EMX1: variants seen among roughly 807,000 people sequenced by gnomAD.
EMX1 encodes empty spiracles homeobox 1.
EMX1 carries 10 observed loss-of-function variants against 20.1 expected under a neutral mutation model. The ratio of observed to expected loss-of-function variants is 0.50; its 90% CI spans 0.31 to 0.84. The LOEUF (loss-of-function observed/expected upper bound fraction) is 0.84, where lower values mean the gene tolerates loss of function less well. Ranked by LOEUF, EMX1 falls within the 40% of genes least tolerant of loss-of-function variation. The pLI, the probability that EMX1 is intolerant of heterozygous loss-of-function variation, is 0.05. For missense variants in EMX1, 424 were observed against 431.9 expected, an observed-to-expected ratio of 0.98 and a Z score of 0.16; for synonymous variants, 250 against 200.4, an observed-to-expected ratio of 1.25 and a Z score of -2.09.
intron 1 of EMX1, among the ~76,000 whole-genome samples, chr2:72,920,750 T>G (rs1573895611): frequency 6.6e-6 from 1 of 152,196 alleles, no homozygotes; most frequent in South Asian, 2.1e-4. Context: ...GAAAAGCGAA[T>G]GCGGAATCGT....
chr2:72,916,571 A>T, upstream of EMX1: 1 of 616,282 alleles, frequency 1.6e-6, no homozygotes, highest in Non-Finnish European at 2.9e-6. Flanking sequence ...CGCCGTACGG[A>T]AAAACTGGCC....
upstream of EMX1, chr2:72,916,358 G>C: frequency 2.7e-6 from 1 of 370,272 alleles, no homozygotes; most frequent in Non-Finnish European, 5.0e-6. Flanking sequence ...AATGGACCCC[G>C]GCAGCGGCGA....
intron 2 of EMX1, among the ~76,000 whole-genome samples, chr2:72,932,721 C>T (rs887243689): frequency 6.6e-6 from 1 of 152,216 alleles, no homozygotes; most frequent in African/African-American, 2.4e-5. Context: ...CCTCATGCCT[C>T]CTCCATCATG....
chr2:72,922,775 A>G (rs143481479), intron 1 of EMX1, among the ~76,000 whole-genome samples: 2 of 152,352 alleles, frequency 1.3e-5, no homozygotes, highest in African/African-American at 4.8e-5. Context: ...CATCTCAATT[A>G]TCTGCTTTTG....
chr2:72,932,212 G>A (rs886748063), intron 2 of EMX1, among the ~76,000 whole-genome samples: 23 of 152,214 alleles, frequency 1.5e-4, no homozygotes, highest in Non-Finnish European at 2.5e-4. Flanking sequence ...ACGCAGCACC[G>A]TCTGCACAGC....
chr2:72,917,069 G>C (rs1239069278), upstream of EMX1: 6 of 654,058 alleles, frequency 9.2e-6, no homozygotes, highest in Admixed American at 4.6e-5. Context: ...TGGTGGGTGA[G>C]TGGGAGAGTC....
At position 72,934,214 on chromosome 2, in the gene EMX1, T is replaced by C; in HGVS notation, c.*260T>C. The C allele has an allele frequency of 4.0e-6, 2 of 504,660 alleles. No individual in the cohort carries two copies. Among genetic ancestry groups the C allele is most frequent in the Non-Finnish European group, 7.0e-6 (2 of 285,144 alleles). The allele number at this position is 504,660 out of a possible 1,614,324, so 31.3% of individuals were successfully genotyped here. On this transcript the variant is annotated 3_prime_UTR_variant, in exon 3 of 3. Transcript: ENST00000258106. Reference sequence around the variant, plus strand: ...CCGCCCGCCACCGCAGCCTCCCAGCTGCTCTCCGTGTCTCCAATCTCCCTT... The same window carrying C: ...CCGCCCGCCACCGCAGCCTCCCAGCCGCTCTCCGTGTCTCCAATCTCCCTT...
Position 72,918,420 on chromosome 2 carries a change from C to T in EMX1, c.520+48C>T. The T allele has an allele frequency of 6.6e-6, 9 of 1,353,836 alleles. No individual in the cohort carries two copies. The East Asian group carries it at 9.3e-5, about 14-fold the overall frequency. 83.9% of individuals were successfully genotyped at this position (1,353,836 alleles called of 1,614,324 possible). ...CCGAGGCGGCCGGCCGGCGCCCGTG[C>T]TGCGGCGATGCGGGGGAGGCTCGGG... On this transcript the variant is annotated intron_variant, in intron 1 of 2. Transcript: ENST00000258106.
intron 2 of EMX1, chr2:72,925,462 C>G (rs998629720): frequency 2.0e-5 from 26 of 1,288,628 alleles, no homozygotes; most frequent in Non-Finnish European, 2.6e-5. Context: ...GAGTGGGGCT[C>G]AGCGACCCTC....
At chr2:72,924,102 C>T (rs1561247) in intron 1 of EMX1, 625,209 of 639,174 alleles carry the variant, frequency 0.98, 305,870 homozygotes, top group East Asian at 1. Context: ...CTCTCGAGTG[C>T]GGGGAGGTGT....
Position 72,924,357 on chromosome 2 carries a change from G to T in EMX1, c.569G>T (p.Arg190Leu). 1 of 1,586,578 alleles carries T rather than the reference G, an allele frequency of 6.3e-7. No individual in the cohort carries two copies. Among genetic ancestry groups the T allele is most frequent in the Non-Finnish European group, 8.5e-7 (1 of 1,172,586 alleles). The change falls in exon 2 of 3, where the codon CGC (arginine) becomes CTC (leucine). Residue 190 changes from arginine to leucine, a missense_variant. Around this residue, in one of 2 missense-constraint regions of EMX1, gnomAD observed 333 missense variants for 296.6 expected, o/e 1.12. Coordinates refer to ENST00000258106, the MANE Select transcript of EMX1 (RefSeq NM_004097.3). ...DGLLLHGPFA[R>L]KPKRIRTAFS... ...CTGCTTCTGCACGGCCCCTTCGCAC[G>T]CAAGCCCAAGCGGATCCGCACGGCC...
At chr2:72,925,277 A>T (rs1022850409) in intron 2 of EMX1, among the ~76,000 whole-genome samples, 1 of 152,252 alleles carries the variant, frequency 6.6e-6, no homozygotes, top group African/African-American at 2.4e-5. Context: ...AGTGAAATTA[A>T]CAATTACCGT....
At chr2:72,931,635 G>A (rs2105271663) in intron 2 of EMX1, among the ~76,000 whole-genome samples, 1 of 152,334 alleles carries the variant, frequency 6.6e-6, no homozygotes, top group South Asian at 2.1e-4. Flanking sequence ...TGGGCTTGGA[G>A]TCCAGCAGCC....
chr2:72,924,641 C>G lies in EMX1; in HGVS notation c.705+148C>G, dbSNP rs544151395. 2.9e-6 allele frequency: 3 copies of G among 1,023,868 alleles called. No individual in the cohort carries two copies. In the East Asian group the frequency reaches 8.0e-5, roughly 27 times the overall value. 63.4% of individuals were successfully genotyped at this position (1,023,868 alleles called of 1,614,324 possible). ...ATTCCCCGCGGCGCTGCGGTCAAGC[C>G]CGTCTTTAGAGCCTCTTCCTCGAGA... On this transcript the variant is annotated intron_variant, in intron 2 of 2. Coordinates refer to ENST00000258106, the MANE Select transcript of EMX1 (RefSeq NM_004097.3).
chr2:72,927,817 G>A (rs192371352), intron 2 of EMX1, among the ~76,000 whole-genome samples: 3 of 152,318 alleles, frequency 2.0e-5, no homozygotes, highest in East Asian at 1.9e-4. Context: ...TTGAATTAAT[G>A]AGCACATTTC....
At chr2:72,932,538 G>T (rs527564421) in intron 2 of EMX1, among the ~76,000 whole-genome samples, 2 of 152,340 alleles carry the variant, frequency 1.3e-5, no homozygotes, top group African/African-American at 4.8e-5. Flanking sequence ...ACAGATGAAG[G>T]CTTTCTCCAC....
chr2:72,919,891 C>G (rs1206699351), intron 1 of EMX1, among the ~76,000 whole-genome samples: 1 of 152,184 alleles, frequency 6.6e-6, no homozygotes, highest in East Asian at 1.9e-4. Flanking sequence ...AGCAATCTAC[C>G]CTGGTCCTCC....
chr2:72,926,305 T>G (rs1671199171), intron 2 of EMX1: 1 of 984,490 alleles, frequency 1.0e-6, no homozygotes, highest in Non-Finnish European at 1.2e-6. Context: ...ACGGACTGAT[T>G]GTTTCTTTCA....
At chr2:72,916,718 G>A (rs757364248), upstream of EMX1, 7 of 717,288 alleles carry the variant, frequency 9.8e-6, no homozygotes, top group Non-Finnish European at 1.8e-5. Flanking sequence ...TTCAATTTAA[G>A]CCACAGTGTC....
Sources: allele counts gnomAD v4.1 joint callset (sites outside exome capture counted in the v4.1 genomes callset), GRCh38; gene constraint gnomAD v4.1.1; regional missense constraint gnomAD v4.1.1; transcripts MANE v1.5; gene names NCBI Gene and HGNC (gene_info 2026-07-23, HGNC 2026-07-21).